FOCAD: variants seen among roughly 807,000 people sequenced by gnomAD.
The protein encoded by FOCAD is KIAA1797.
In FOCAD, 198 loss-of-function variants were observed where a neutral mutation model predicts 225.6. The ratio of observed to expected loss-of-function variants is 0.88; its 90% confidence interval spans 0.78 to 0.99. FOCAD has a LOEUF of 0.99. FOCAD is among the 50% of genes least tolerant of loss of function. FOCAD has a pLI of 0.00. For synonymous variants in FOCAD, 897 were observed against 755.0 expected (o/e 1.19, Z -3.08); for missense variants, 2,713 against 2,123.6 (o/e 1.28, Z -5.46).
At chr9:20,885,396 A>T (rs560162766) in intron 21 of FOCAD, 166 bp downstream of exon 21, 1 of 550,380 alleles carries the variant, frequency 1.8e-6, no homozygotes, top group African/African-American at 2.0e-5. Context: ...ATTTCAATGT[A>T]TTTCTGAAAG....
chr9:20,871,711 G>T (rs1348057410), intron 18 of FOCAD, among the ~76,000 whole-genome samples: 1 of 129,702 alleles, frequency 7.7e-6, no homozygotes, highest in Non-Finnish European at 1.6e-5. Context: ...TGAACAATGA[G>T]AACACGTGGA....
chr9:20,761,779 T>C (rs1447168623), intron 6 of FOCAD, among the ~76,000 whole-genome samples: 1 of 152,214 alleles, frequency 6.6e-6, no homozygotes, highest in Non-Finnish European at 1.5e-5. Flanking sequence ...TCTCCCTCTG[T>C]GGTGAACTTA....
chr9:20,941,942 A>G (rs986853124), intron 28 of FOCAD, among the ~76,000 whole-genome samples: 1 of 152,216 alleles, frequency 6.6e-6, no homozygotes, highest in Non-Finnish European at 1.5e-5. Context: ...ACCTGGGGGA[A>G]CATTTTAAGA....
intron 35 of FOCAD, among the ~76,000 whole-genome samples, chr9:20,966,936 A>G (rs769693277): frequency 1.3e-5 from 2 of 152,038 alleles, no homozygotes; most frequent in East Asian, 3.9e-4. Context: ...CTATAGCTGT[A>G]TAGTAAGATT....
chr9:20,860,110 T>C (rs1343074557), intron 15 of FOCAD, among the ~76,000 whole-genome samples: 1 of 152,162 alleles, frequency 6.6e-6, no homozygotes, highest in Non-Finnish European at 1.5e-5. Context: ...AGATCATTAT[T>C]TCGTGTTTTT....
intron 11 of FOCAD, among the ~76,000 whole-genome samples, chr9:20,789,888 C>T (rs1820344428): frequency 6.6e-6 from 1 of 152,030 alleles, no homozygotes; most frequent in African/African-American, 2.4e-5. Flanking sequence ...GGTGGATTTG[C>T]TATTTTGTAA....
chr9:20,713,129 A>G (rs1389264746), intron 1 of FOCAD, among the ~76,000 whole-genome samples: 3 of 152,152 alleles, frequency 2.0e-5, no homozygotes, highest in African/African-American at 7.2e-5. Flanking sequence ...AAGTGATTCT[A>G]TTGAAATCCT....
chr9:20,675,368 T>C (rs890599935), intron 2 of FOCAD, among the ~76,000 whole-genome samples: 1 of 152,230 alleles, frequency 6.6e-6, no homozygotes, highest in Non-Finnish European at 1.5e-5. Flanking sequence ...AGTGAACTTT[T>C]TGTGTCATGC....
intron 28 of FOCAD, among the ~76,000 whole-genome samples, chr9:20,943,398 A>G (rs1345029388): frequency 2.0e-5 from 3 of 152,156 alleles, no homozygotes; most frequent in Non-Finnish European, 1.5e-5. Context: ...TCATGGCACC[A>G]TGAAGGGCAC....
chr9:20,926,775 CTG>C (rs921511468), intron 26 of FOCAD, among the ~76,000 whole-genome samples: 5 of 145,300 alleles, frequency 3.4e-5, no homozygotes, highest in African/African-American at 1.3e-4. Flanking sequence ...AAGAGAAAAA[CTG>C]TGTCTCAAAA....
Position 20,720,480 on chromosome 9 carries a change from A to T in FOCAD, c.233A>T (p.His78Leu), listed in dbSNP as rs1387588374. 2 of 1,614,146 alleles carry T rather than the reference A, an allele frequency of 1.2e-6. No individual in the cohort carries two copies. Among genetic ancestry groups the T allele is most frequent in the Admixed American group, 1.7e-5 (1 of 60,020 alleles). Residue 78 changes from histidine to leucine, a missense_variant, in exon 4 of 44, where the codon CAT (histidine) becomes CTT (leucine). Coordinates refer to ENST00000338382, the MANE Select transcript of FOCAD (RefSeq NM_001375567.1). ...CTGGTGGCACTCGTTGCTCAGGATC[A>T]TGCAGAGTTCAGCTATGTTCTCAAT... is the stretch of plus-strand genomic sequence containing the variant. ...EGLVALVAQDHAEFSYVLNGI... is the reference protein window; with the variant it reads ...EGLVALVAQDLAEFSYVLNGI...
intron 2 of FOCAD, chr9:20,716,200 G>C (rs1462072895): frequency 6.9e-6 from 3 of 435,568 alleles, no homozygotes; most frequent in African/African-American, 5.9e-5. Flanking sequence ...GTCATATCCT[G>C]CAGGTCCTTA....
chr9:20,921,697 A>G (rs147936925), intron 24 of FOCAD, among the ~76,000 whole-genome samples: 7 of 152,302 alleles, frequency 4.6e-5, no homozygotes, highest in Admixed American at 2.0e-4. Flanking sequence ...GCAACCAAAT[A>G]TATTATTACC....
At chr9:20,681,226 T>A (rs1012064647), upstream of FOCAD, among the ~76,000 whole-genome samples, 5 of 152,304 alleles carry the variant, frequency 3.3e-5, no homozygotes, top group African/African-American at 1.2e-4. Context: ...CCAACAAGTA[T>A]AACCTATTAT....
chr9:20,841,436 C>G lies in FOCAD; in HGVS notation c.1920+18321C>G, dbSNP rs142649391. 2.6e-5 allele frequency among the ~76,000 whole-genome samples: 4 copies of G among 151,420 alleles called. No homozygotes were observed. In the East Asian group the frequency reaches 7.8e-4, roughly 29 times the overall value. The stretch of plus-strand genomic sequence containing the variant: ...GAAGACTTTATTTTGGCATTGCTCT[C>G]CTTACTTTTTATGGGTCCATTCAGG... On this transcript the variant is annotated intron_variant, in intron 15 of 43. Coordinates refer to ENST00000338382, the MANE Select transcript of FOCAD (RefSeq NM_001375567.1).
Position 20,855,425 on chromosome 9 carries a change from T to C in FOCAD, c.1921-7153T>C, listed in dbSNP as rs534009107. 8.3e-4 allele frequency among the ~76,000 whole-genome samples: 126 copies of C among 151,740 alleles called. 4 individuals carry two copies. Among genetic ancestry groups the C allele is most frequent in the Admixed American group, 6.6e-4 (10 of 15,200 alleles). On this transcript the variant is annotated intron_variant, in intron 15 of 43. Transcript: ENST00000338382. ...CTTGTCTCTGAATAAGTAAATTGTTTTTTAATTTTTATCATTTTCAATATT... is the reference window on the plus strand; with the variant it reads ...CTTGTCTCTGAATAAGTAAATTGTTCTTTAATTTTTATCATTTTCAATATT...
chr9:20,724,517 A>G (rs1242496360), intron 4 of FOCAD, among the ~76,000 whole-genome samples: 2 of 152,200 alleles, frequency 1.3e-5, no homozygotes, highest in African/African-American at 4.8e-5. Flanking sequence ...CCACAGGGAG[A>G]TATAGACAGA....
intron 10 of FOCAD, among the ~76,000 whole-genome samples, chr9:20,782,906 T>C (rs1819522292): frequency 1.3e-5 from 2 of 152,250 alleles, no homozygotes; most frequent in Admixed American, 1.3e-4. Flanking sequence ...TCCTAAATCC[T>C]AATTGTTTGA....
At chr9:20,712,204 G>C (rs529252617) in intron 1 of FOCAD, among the ~76,000 whole-genome samples, 31 of 152,270 alleles carry the variant, frequency 2.0e-4, no homozygotes, top group African/African-American at 6.7e-4. Flanking sequence ...AAACTTAACT[G>C]TCCAAAATGG....
Sources: allele counts gnomAD v4.1 joint callset (sites outside exome capture counted in the v4.1 genomes callset), GRCh38; gene constraint gnomAD v4.1.1; transcripts MANE v1.5; gene names NCBI Gene and HGNC (gene_info 2026-07-23, HGNC 2026-07-21).